DENND2B: variants seen among roughly 807,000 people sequenced by gnomAD.
DENND2B encodes the protein DENN domain containing 2B.
A neutral mutation model predicts 116.0 loss-of-function variants in DENND2B; 32 were observed. The observed-to-expected ratio is 0.28, with a 90% CI of 0.21 to 0.37. The LOEUF is 0.37. Ranked by LOEUF, DENND2B falls within the 10% of genes least tolerant of loss-of-function variation. The pLI is 1.00. For synonymous variants in DENND2B, 588 were observed against 583.9 expected, an observed-to-expected ratio of 1.01 and a Z score of -0.10; for missense variants, 1,276 against 1,477.7, an observed-to-expected ratio of 0.86 and a Z score of 2.24.
intron 1 of DENND2B, among the ~76,000 whole-genome samples, chr11:8,778,424 TC>T (rs1201307640): frequency 6.6e-6 from 1 of 152,066 alleles, no homozygotes; most frequent in Non-Finnish European, 1.5e-5. Context: ...ACATCCACCC[TC>T]CCCCTGCCCC....
chr11:8,744,071 T>C (rs114958097), intron 2 of DENND2B, among the ~76,000 whole-genome samples: 3 of 151,920 alleles, frequency 2.0e-5, no homozygotes, highest in Non-Finnish European at 4.4e-5. Context: ...TTGAAGTGAT[T>C]TGTATGTGTG....
chr11:8,799,287 T>A (rs1402434019), intron 1 of DENND2B, among the ~76,000 whole-genome samples: 3 of 152,184 alleles, frequency 2.0e-5, no homozygotes. Context: ...ATGACTCAAA[T>A]GCAGAGAGGC....
intron 2 of DENND2B, among the ~76,000 whole-genome samples, chr11:8,744,183 G>C (rs572947578): frequency 6.6e-6 from 1 of 151,152 alleles, no homozygotes. Context: ...GCCCAGGCTG[G>C]AGTGCAATGG....
intron 1 of DENND2B, among the ~76,000 whole-genome samples, chr11:8,755,175 TG>T (rs2134076335): frequency 6.6e-6 from 1 of 152,330 alleles, no homozygotes; most frequent in African/African-American, 2.4e-5. Flanking sequence ...TCACGGAAGC[TG>T]AACAGTTTAC....
chr11:8,804,706 G>A lies in DENND2B; in HGVS notation c.-26+5811C>T, dbSNP rs112451580. ...ATTACTGATACACACCACTATGCCC[G>A]GCCAGTTTTTGTATTTTTAGTAGAG... is the stretch of plus-strand genomic sequence containing the variant. On this transcript the variant is annotated intron_variant, in intron 1 of 19. Coordinates refer to ENST00000313726, the MANE Select transcript of DENND2B (RefSeq NM_213618.2). Among the ~76,000 whole-genome samples the A allele has an allele frequency of 4.0e-3, 605 of 151,910 alleles. 3 individuals carry two copies. The highest frequency in any genetic ancestry group is 0.013 in the African/African-American group (531 of 41,438).
rs573217140 is a variant in DENND2B, at chr11:8,718,387, A to G, written c.1478-495T>C. The G allele has an allele frequency of 2.3e-4, 360 of 1,535,366 alleles. 4 individuals are homozygous for G. In the South Asian group the frequency reaches 3.9e-3, roughly 17 times the overall value. On this transcript the variant is annotated intron_variant, in intron 4 of 19. Coordinates refer to ENST00000313726, the MANE Select transcript of DENND2B (RefSeq NM_213618.2). Reference sequence around the variant, plus strand: ...GGAGGGTGGGCATGGAGGAACTCACAGAACCGTAGGGAGCAGGGCTTCGCC... The same window carrying G: ...GGAGGGTGGGCATGGAGGAACTCACGGAACCGTAGGGAGCAGGGCTTCGCC...
chr11:8,891,471 T>A (rs886131027), intron 1 of DENND2B, among the ~76,000 whole-genome samples: 1 of 152,170 alleles, frequency 6.6e-6, no homozygotes, highest in Non-Finnish European at 1.5e-5. Context: ...TCAAGACCCA[T>A]CAGTGTGCTG....
In DENND2B at chr11:8,783,704, C is replaced by G. The variant is rs140018003; in HGVS notation, c.-26+26813G>C. On this transcript the variant is annotated intron_variant, in intron 1 of 19. Transcript: ENST00000313726. Reference sequence around the variant, plus strand: ...AAATCAATAAAGCTAGTTAATTTCACGCAAAAAGAAAATAAGGACAATCTG... The same window carrying G: ...AAATCAATAAAGCTAGTTAATTTCAGGCAAAAAGAAAATAAGGACAATCTG... Among the ~76,000 whole-genome samples the G allele has an allele frequency of 9.5e-3, 1,439 of 152,076 alleles. 27 individuals are homozygous for G. Among genetic ancestry groups the G allele is most frequent in the African/African-American group, 0.033 (1,382 of 41,448 alleles).
intron 2 of DENND2B, among the ~76,000 whole-genome samples, chr11:8,735,303 A>C (rs2048827414): frequency 6.6e-6 from 1 of 152,098 alleles, no homozygotes; most frequent in South Asian, 2.1e-4. Context: ...TGACCGAGGC[A>C]CCTCTGTCAA....
At chr11:8,695,326 G>T in intron 19 of DENND2B, 137 bp downstream of exon 19, 1 of 799,528 alleles carries the variant, frequency 1.3e-6, no homozygotes, top group East Asian at 2.5e-5. Context: ...TAGTCACTAT[G>T]GGATGTCTAC....
Position 8,712,655 on chromosome 11 carries a change from C to G in DENND2B, c.2068G>C (p.Glu690Gln), listed in dbSNP as rs1205700730. The G allele has an allele frequency of 1.2e-6, 2 of 1,601,622 alleles. No individual in the cohort carries two copies. Among genetic ancestry groups the G allele is most frequent in the East Asian group, 4.5e-5 (2 of 44,500 alleles). Residue 690 changes from glutamate to glutamine, a missense_variant, in exon 9 of 20, where the codon GAG becomes CAG. Physicochemically the swap from Glu to Gln is conservative, Grantham distance 29. Coordinates refer to ENST00000313726, the MANE Select transcript of DENND2B (RefSeq NM_213618.2). The surrounding 1 kb of genome is among the most constrained non-coding windows in gnomAD (Gnocchi z 4.4). ...SYRTLELELLEWQERELFEYF... is the reference protein window; with the variant it reads ...SYRTLELELLQWQERELFEYF... The stretch of plus-strand genomic sequence containing the variant: ...TCAAAAAGCTCCCGCTCCTGCCACT[C>G]CAGCAGCTCCAGCTCCAGCGTGCGA...
rs181812952 is a variant in DENND2B, at chr11:8,791,046, C to A, written c.-26+19471G>T. Among the ~76,000 whole-genome samples the A allele has an allele frequency of 1.5e-4, 23 of 152,322 alleles. No individual in the cohort carries two copies. In the East Asian group the frequency reaches 4.4e-3, roughly 29 times the overall value. ...TCTCACTTCAAAAACCTTCCTGAAT[C>A]TGTTCCCAAAGCAGCTCCATTTCCT... On this transcript the variant is annotated intron_variant, in intron 1 of 19. Transcript: ENST00000313726.
At chr11:8,811,154 C>T (rs2061356390), upstream of DENND2B, 5 of 396,616 alleles carry the variant, frequency 1.3e-5, no homozygotes, top group Non-Finnish European at 2.2e-5. Flanking sequence ...GCTGCCTTGA[C>T]TTGTTTGTGC....
At position 8,866,544 on chromosome 11, in the gene DENND2B, C is replaced by T. The variant is rs185997009; in HGVS notation, c.-250+4410G>A. Among the ~76,000 whole-genome samples, 6 of 152,280 alleles carry T rather than the reference C, an allele frequency of 3.9e-5. No homozygotes were observed. In the East Asian group the frequency reaches 1.2e-3, roughly 29 times the overall value. ...ATTCTCTGGAGGAATGACCACATAA[C>T]CTATAACCAGAGGCTACAGAGAAAA... On this transcript the variant is annotated intron_variant, in intron 2 of 6. Coordinates refer to the DENND2B transcript ENST00000524757.
chr11:8,764,075 T>C (rs1473119524), intron 1 of DENND2B, among the ~76,000 whole-genome samples: 1 of 151,918 alleles, frequency 6.6e-6, no homozygotes, highest in African/African-American at 2.4e-5. Flanking sequence ...AATACAAAAA[T>C]TAGCTAGGCA....
intron 4 of DENND2B, 53 bp from the exon 5 acceptor site, chr11:8,717,945 G>A (rs1190682926): frequency 3.7e-5 from 58 of 1,577,130 alleles, no homozygotes; most frequent in South Asian, 1.8e-4. Context: ...GGAAACACAC[G>A]AACTCACACA....
chr11:8,775,483 T>C (rs1017319018), intron 1 of DENND2B, among the ~76,000 whole-genome samples: 1 of 152,174 alleles, frequency 6.6e-6, no homozygotes, highest in South Asian at 2.1e-4. Flanking sequence ...TCAAAGCCAC[T>C]AATGGGCACA....
intron 2 of DENND2B, among the ~76,000 whole-genome samples, chr11:8,861,732 A>C (rs1389280452): frequency 6.6e-6 from 1 of 152,208 alleles, no homozygotes; most frequent in Non-Finnish European, 1.5e-5. Flanking sequence ...TTGCACAAAT[A>C]TGTTTATCGC....
intron 2 of DENND2B, among the ~76,000 whole-genome samples, chr11:8,859,351 A>AG (rs1480914390): frequency 6.6e-6 from 1 of 151,852 alleles, no homozygotes; most frequent in Non-Finnish European, 1.5e-5. Flanking sequence ...TCTCTCGCCC[A>AG]GGCTGGAGTG....
Sources: gnomAD v4.1 joint callset for allele counts (sites outside exome capture counted in the v4.1 genomes callset) on GRCh38, gnomAD v4.1.1 for gene constraint, Gnocchi (gnomAD v3.1) non-coding constraint, MANE v1.5 for transcripts, NCBI Gene and HGNC (gene_info 2026-07-23, HGNC 2026-07-21) for gene names.